Variants in MINDY4 observed in about 807,000 individuals in gnomAD.
The protein encoded by MINDY4 is probable ubiquitin carboxyl-terminal hydrolase MINDY-4.
MINDY4 carries 68 observed loss-of-function variants against 87.0 expected under a neutral mutation model. The observed-to-expected ratio is 0.78, with a 90% confidence interval of 0.64 to 0.96. The LOEUF (loss-of-function observed/expected upper bound fraction) is 0.96, where lower values mean the gene tolerates loss of function less well. Among genes scored for constraint, MINDY4 ranks in the 40% least tolerant of loss-of-function variants. MINDY4 has a pLI of 0.00. For synonymous variants in MINDY4, 379 were observed against 363.2 expected (o/e 1.04, Z -0.50); for missense variants, 919 against 928.2 (o/e 0.99, Z 0.13).
chr7:30,805,699 C>A (rs1300340945), intron 5 of MINDY4, among the ~76,000 whole-genome samples: 2 of 152,088 alleles, frequency 1.3e-5, no homozygotes, highest in East Asian at 3.9e-4. Flanking sequence ...GCAAAGTGCT[C>A]CGGGGCAGAA....
intron 1 of MINDY4, among the ~76,000 whole-genome samples, chr7:30,772,327 C>T (rs1786669198): frequency 6.6e-6 from 1 of 152,140 alleles, no homozygotes; most frequent in East Asian, 1.9e-4. Flanking sequence ...TGTATGAAAA[C>T]ACATACACGT....
chr7:30,841,287 G>A (rs938625629), intron 9 of MINDY4, among the ~76,000 whole-genome samples: 14 of 152,108 alleles, frequency 9.2e-5, no homozygotes, highest in African/African-American at 3.1e-4. Context: ...CCCTGCAGCC[G>A]TTCAGTTTCC....
intron 5 of MINDY4, among the ~76,000 whole-genome samples, chr7:30,800,077 C>T (rs2128170638): frequency 6.6e-6 from 1 of 152,270 alleles, no homozygotes. Flanking sequence ...GAAAAGGATG[C>T]AGCTGTGAGC....
intron 2 of MINDY4, 35 bp downstream of exon 2, chr7:30,778,586 G>A: frequency 6.2e-7 from 1 of 1,613,268 alleles, no homozygotes; most frequent in Non-Finnish European, 8.5e-7. Flanking sequence ...TGGAGTCTTG[G>A]AACTGAGTTT....
intron 1 of MINDY4, among the ~76,000 whole-genome samples, chr7:30,771,829 C>T (rs566029052): frequency 2.6e-4 from 40 of 152,324 alleles, no homozygotes; most frequent in African/African-American, 9.6e-4. Context: ...GGGGCGGCGG[C>T]AGCTGGGGAG....
At chr7:30,839,355 G>C (rs758533323) in intron 8 of MINDY4, 39 bp downstream of exon 8, 1 of 1,341,186 alleles carries the variant, frequency 7.5e-7, no homozygotes, top group Non-Finnish European at 1.0e-6. Flanking sequence ...CTTTCTGCTG[G>C]GCCATCATGC....
At chr7:30,874,313 G>A (rs957475139) in intron 14 of MINDY4, among the ~76,000 whole-genome samples, 1 of 152,246 alleles carries the variant, frequency 6.6e-6, no homozygotes, top group Non-Finnish European at 1.5e-5. Context: ...TACCATGAAA[G>A]TAACAGGGTT....
At chr7:30,782,303 C>A in intron 3 of MINDY4, 91 bp downstream of exon 3, 1 of 923,068 alleles carries the variant, frequency 1.1e-6, no homozygotes, top group Non-Finnish European at 1.6e-6. Flanking sequence ...CAGTATTCTC[C>A]AGAGGAACAG....
rs146665703 is a variant in MINDY4 at position 30,778,400 on chromosome 7, T to C, written c.64-32T>C. 3.6e-5 allele frequency: 58 copies of C among 1,613,888 alleles called. No individual in the cohort carries two copies. The East Asian group carries it at 1.3e-3, about 36-fold the overall frequency. ...GAGAACAGCGGGTTTTGATTTAAGA[T>C]GGTAAACAGCGATTCAGCTTTCTTC... is the stretch of plus-strand genomic sequence containing the variant. On this transcript the variant is annotated intron_variant, in intron 1 of 17. Transcript: ENST00000265299.
In MINDY4 at chr7:30,771,467, C is replaced by G. The variant is rs2128163438; in HGVS notation, c.-27C>G. The G allele has an allele frequency of 6.3e-7, 1 of 1,594,620 alleles. No individual in the cohort carries two copies. Among genetic ancestry groups the G allele is most frequent in the Admixed American group, 1.8e-5 (1 of 56,420 alleles). Reference sequence around the variant, plus strand: ...CCTGGTGCTGCGGCCCGGCGTGGGCCTCGTGGGCAGAGCCAGAGCCAGAGC... The same window carrying G: ...CCTGGTGCTGCGGCCCGGCGTGGGCGTCGTGGGCAGAGCCAGAGCCAGAGC... On this transcript the variant is annotated 5_prime_UTR_variant, in exon 1 of 18. Coordinates refer to ENST00000265299, the MANE Select transcript of MINDY4 (RefSeq NM_032222.3).
At chr7:30,884,042 T>G (rs1790555943) in intron 17 of MINDY4, among the ~76,000 whole-genome samples, 1 of 152,170 alleles carries the variant, frequency 6.6e-6, no homozygotes. Flanking sequence ...TGATTTGGTG[T>G]GATCTCAGAG....
At chr7:30,864,551 A>G (rs1399407317) in intron 13 of MINDY4, among the ~76,000 whole-genome samples, 2 of 152,194 alleles carry the variant, frequency 1.3e-5, no homozygotes, top group East Asian at 3.9e-4. Flanking sequence ...CTGCATTCTC[A>G]GGAAGGTCCT....
At chr7:30,853,823 CA>C (rs1271693909) in intron 12 of MINDY4, among the ~76,000 whole-genome samples, 2 of 152,246 alleles carry the variant, frequency 1.3e-5, no homozygotes, top group Admixed American at 1.3e-4. Flanking sequence ...CACTGGAATA[CA>C]GGAGCTCTTT....
At chr7:30,827,345 G>A (rs1367914441) in intron 5 of MINDY4, among the ~76,000 whole-genome samples, 1 of 152,146 alleles carries the variant, frequency 6.6e-6, no homozygotes, top group Non-Finnish European at 1.5e-5. Flanking sequence ...GGGTAGAACC[G>A]AGGTCCTCAG....
Position 30,819,892 on chromosome 7 carries a change from A to ATT in MINDY4, c.1074-8761_1074-8760dup, listed in dbSNP as rs60124746. Among the ~76,000 whole-genome samples, 478 of 96,698 alleles carry ATT rather than the reference A, an allele frequency of 4.9e-3. 45 individuals carry two copies. The highest frequency in any genetic ancestry group is 0.016 in the African/African-American group (301 of 19,408). 63.4% of individuals were successfully genotyped at this position (96,698 alleles called of 152,430 possible). On this transcript the variant is annotated intron_variant, in intron 5 of 17. Coordinates refer to ENST00000265299, the MANE Select transcript of MINDY4 (RefSeq NM_032222.3). ...TGTGTCTTAAAACAGCATATAGATAATTTTTTTTTTTTTTTTTTTTTTTTT... is the reference window on the plus strand; with the variant it reads ...TGTGTCTTAAAACAGCATATAGATAATTTTTTTTTTTTTTTTTTTTTTTTTTT...
intron 5 of MINDY4, among the ~76,000 whole-genome samples, chr7:30,819,702 T>G (rs1788264982): frequency 6.6e-6 from 1 of 152,120 alleles, no homozygotes; most frequent in South Asian, 2.1e-4. Context: ...ATTTTTCTGT[T>G]GAATTTTTCC....
At chr7:30,860,444 C>G (rs758919689) in intron 13 of MINDY4, among the ~76,000 whole-genome samples, 2 of 152,154 alleles carry the variant, frequency 1.3e-5, no homozygotes, top group Non-Finnish European at 2.9e-5. Flanking sequence ...TCATTCCTGG[C>G]GTGGACTCAC....
intron 13 of MINDY4, among the ~76,000 whole-genome samples, chr7:30,860,245 C>G (rs892756534): frequency 2.6e-5 from 4 of 152,076 alleles, no homozygotes; most frequent in Non-Finnish European, 1.5e-5. Context: ...ACACTTCTTT[C>G]CCGGCCTGGT....
chr7:30,878,604 G>C (rs560390371), intron 15 of MINDY4, among the ~76,000 whole-genome samples: 1 of 152,346 alleles, frequency 6.6e-6, no homozygotes, highest in South Asian at 2.1e-4. Context: ...CCTCCAGGCT[G>C]ATGGTCATGG....
Sources: gnomAD v4.1 joint callset for allele counts (sites outside exome capture counted in the v4.1 genomes callset) on GRCh38, gnomAD v4.1.1 for gene constraint, MANE v1.5 for transcripts, NCBI Gene and HGNC (gene_info 2026-07-23, HGNC 2026-07-21) for gene names.